Variants in SKAP2 observed in about 807,000 individuals in gnomAD.
The protein encoded by SKAP2 is src kinase-associated phosphoprotein 2.
SKAP2 carries 28 observed loss-of-function variants against 54.9 expected under a neutral mutation model. The observed-to-expected ratio is 0.51, with a 90% CI of 0.38 to 0.70. The LOEUF (loss-of-function observed/expected upper bound fraction) is 0.70, where lower values mean the gene tolerates loss of function less well. Among genes scored for constraint, SKAP2 ranks in the 30% least tolerant of loss-of-function variants. The pLI, the probability that SKAP2 is intolerant of heterozygous loss-of-function variation, is 0.00. For synonymous variants in SKAP2, 137 were observed against 134.3 expected (o/e 1.02, Z -0.14); for missense variants, 356 against 424.1 (o/e 0.84, Z 1.41).
intron 3 of SKAP2, among the ~76,000 whole-genome samples, 156 bp from the exon 4 acceptor site, chr7:26,844,293 G>T (rs1784880308): frequency 6.6e-6 from 1 of 152,006 alleles, no homozygotes; most frequent in African/African-American, 2.4e-5. Context: ...TTAAAACTAG[G>T]TAAAAACAGG....
intron 9 of SKAP2, among the ~76,000 whole-genome samples, chr7:26,699,917 C>T (rs1210170706): frequency 6.6e-6 from 1 of 152,144 alleles, no homozygotes; most frequent in Non-Finnish European, 1.5e-5. Context: ...AAACTGTTGA[C>T]TCATATTGAG....
intron 4 of SKAP2, among the ~76,000 whole-genome samples, chr7:26,827,245 T>C (rs892482968): frequency 6.6e-6 from 1 of 152,166 alleles, no homozygotes; most frequent in African/African-American, 2.4e-5. Context: ...TGGCATGAAA[T>C]TACTTTCTGA....
intron 4 of SKAP2, among the ~76,000 whole-genome samples, chr7:26,834,673 T>C (rs939982290): frequency 2.0e-5 from 3 of 152,152 alleles, no homozygotes; most frequent in Non-Finnish European, 2.9e-5. Context: ...AATAGACCCA[T>C]AACAAGTTCT....
intron 4 of SKAP2, among the ~76,000 whole-genome samples, chr7:26,832,700 T>A (rs1784620352): frequency 6.6e-6 from 1 of 152,016 alleles, no homozygotes; most frequent in Non-Finnish European, 1.5e-5. Context: ...CAAGAAAAGG[T>A]AAAGAAAGTG....
intron 4 of SKAP2, among the ~76,000 whole-genome samples, chr7:26,801,055 A>C (rs1301705817): frequency 1.3e-5 from 2 of 152,122 alleles, no homozygotes; most frequent in Non-Finnish European, 2.9e-5. Flanking sequence ...GAAAGAAAGA[A>C]AAAAAAATAT....
chr7:26,708,062 G>C (rs1417701073), intron 9 of SKAP2, among the ~76,000 whole-genome samples: 2 of 152,214 alleles, frequency 1.3e-5, no homozygotes, highest in Admixed American at 1.3e-4. Context: ...AGACTTCCAA[G>C]TAAACAGGCA....
chr7:26,668,680 T>TC lies in SKAP2; in HGVS notation c.*985_*986insG, dbSNP rs1294256272. 1 of 151,208 alleles carries TC rather than the reference T, an allele frequency of 6.6e-6. No individual in the cohort carries two copies. The highest frequency in any genetic ancestry group is 1.5e-5 in the Non-Finnish European group (1 of 67,974). 9.4% of individuals were successfully genotyped at this position (151,208 alleles called of 1,614,324 possible). A position where few individuals can be genotyped will look rare whatever the true frequency, so the allele number is the denominator to read the frequency against. Reference sequence around the variant, plus strand: ...AGATTCTGTTTTTTTTTTTTTTTTTTTCTGAGATGGAGTCTCACTCTGTCG... The same window carrying TC: ...AGATTCTGTTTTTTTTTTTTTTTTTTCTCTGAGATGGAGTCTCACTCTGTCG... On this transcript the variant is annotated 3_prime_UTR_variant, in exon 13 of 13. Transcript: ENST00000345317.
At chr7:26,693,008 T>C (rs1285663327) in intron 9 of SKAP2, among the ~76,000 whole-genome samples, 1 of 152,162 alleles carries the variant, frequency 6.6e-6, no homozygotes, top group Non-Finnish European at 1.5e-5. Flanking sequence ...ACCGCATCAA[T>C]ACAATAAGTA....
intron 4 of SKAP2, among the ~76,000 whole-genome samples, chr7:26,791,544 T>C (rs1262783907): frequency 1.3e-5 from 2 of 152,188 alleles, no homozygotes; most frequent in Admixed American, 1.3e-4. Context: ...CAAACCAATC[T>C]AGTATCTTTA....
rs145545046 is a variant in SKAP2, at chr7:26,816,664, G to C, written c.307+27366C>G. Among the ~76,000 whole-genome samples the C allele has an allele frequency of 4.8e-3, 723 of 152,128 alleles. 9 individuals are homozygous for C. The highest frequency in any genetic ancestry group is 0.016 in the African/African-American group (680 of 41,518). ...ATATTAGTAATTACACTAAGAGATGGCCTTTGGATTTTGTCTCAAACAACA... is the reference window on the plus strand; with the variant it reads ...ATATTAGTAATTACACTAAGAGATGCCCTTTGGATTTTGTCTCAAACAACA... On this transcript the variant is annotated intron_variant, in intron 4 of 12. Transcript: ENST00000345317.
At chr7:26,692,396 A>G (rs1297295791) in intron 9 of SKAP2, among the ~76,000 whole-genome samples, 1 of 152,204 alleles carries the variant, frequency 6.6e-6, no homozygotes, top group Non-Finnish European at 1.5e-5. Flanking sequence ...AGTATGGTAG[A>G]GCAGTCAGGA....
At chr7:26,681,383 G>A (rs990332868) in intron 11 of SKAP2, among the ~76,000 whole-genome samples, 3 of 152,230 alleles carry the variant, frequency 2.0e-5, no homozygotes, top group Non-Finnish European at 4.4e-5. Context: ...GGCAGCGGTT[G>A]CGGTGAGCCG....
At chr7:26,824,395 A>C (rs771056708) in intron 4 of SKAP2, among the ~76,000 whole-genome samples, 5 of 152,224 alleles carry the variant, frequency 3.3e-5, no homozygotes, top group Non-Finnish European at 7.3e-5. Flanking sequence ...GACAAACACA[A>C]CGTAAGCTCA....
rs184826909 is a variant in SKAP2 at position 26,816,474 on chromosome 7, T to C, written c.307+27556A>G. Among the ~76,000 whole-genome samples the C allele has an allele frequency of 1.8e-3, 268 of 152,102 alleles. 1 individual carries two copies. The highest frequency in any genetic ancestry group is 6.2e-3 in the African/African-American group (258 of 41,534). On this transcript the variant is annotated intron_variant, in intron 4 of 12. Transcript: ENST00000345317. ...TACTAAGATATTAAAGATAAGAAAATTTAGGCTATCAATTTTTAAAATACA... is the reference window on the plus strand; with the variant it reads ...TACTAAGATATTAAAGATAAGAAAACTTAGGCTATCAATTTTTAAAATACA...
chr7:26,776,831 G>A (rs1783321220), intron 4 of SKAP2, among the ~76,000 whole-genome samples: 1 of 152,100 alleles, frequency 6.6e-6, no homozygotes, highest in South Asian at 2.1e-4. Flanking sequence ...CTGTCTATGT[G>A]ATAGAGCCTG....
At chr7:26,740,084 C>T in intron 4 of SKAP2, 120 bp from the exon 5 acceptor site, 1 of 555,260 alleles carries the variant, frequency 1.8e-6, no homozygotes, top group South Asian at 2.3e-5. Flanking sequence ...AAATCTAAGT[C>T]TATTAGCTTT....
At chr7:26,741,818 A>G (rs896827369) in intron 4 of SKAP2, among the ~76,000 whole-genome samples, 1 of 150,694 alleles carries the variant, frequency 6.6e-6, no homozygotes, top group Admixed American at 6.6e-5. Flanking sequence ...ACCTAATTTT[A>G]CCAGTTTTTT....
At chr7:26,730,342 A>G (rs1436543814) in intron 6 of SKAP2, among the ~76,000 whole-genome samples, 1 of 152,216 alleles carries the variant, frequency 6.6e-6, no homozygotes, top group African/African-American at 2.4e-5. Context: ...TATAAAGTCC[A>G]TTTACCCAGC....
chr7:26,678,171 T>C (rs898598029), intron 11 of SKAP2, among the ~76,000 whole-genome samples: 6 of 152,210 alleles, frequency 3.9e-5, no homozygotes, highest in Non-Finnish European at 8.8e-5. Context: ...ATTAATTATA[T>C]GTGTGAAAGC....
Sources: gnomAD v4.1 joint callset for allele counts (sites outside exome capture counted in the v4.1 genomes callset) on GRCh38, gnomAD v4.1.1 for gene constraint, MANE v1.5 for transcripts, NCBI Gene and HGNC (gene_info 2026-07-23, HGNC 2026-07-21) for gene names.